GRID2: variants seen among roughly 807,000 people sequenced by gnomAD.
GRID2 encodes glutamate ionotropic receptor delta type subunit 2, also known as glutamate receptor ionotropic, delta-2.
GRID2 carries 33 observed loss-of-function variants against 114.8 expected under a neutral mutation model. That is an observed-to-expected ratio of 0.29 (90% confidence interval 0.22 to 0.38). The LOEUF is 0.38. Ranked by LOEUF, GRID2 falls within the 10% of genes least tolerant of loss-of-function variation. GRID2 has a pLI of 1.00. For missense variants in GRID2, 1,184 were observed against 1,257.7 expected, an observed-to-expected ratio of 0.94 and a Z score of 0.89; for synonymous variants, 505 against 449.9, an observed-to-expected ratio of 1.12 and a Z score of -1.55.
chr4:93,502,707 TC>T (rs142078875), intron 12 of GRID2, among the ~76,000 whole-genome samples: 3,169 of 103,892 alleles, frequency 0.031, 85 homozygotes, highest in African/African-American at 0.08. Flanking sequence ...TCTCCTCCAC[TC>T]CCCCCCCCCA....
intron 14 of GRID2, among the ~76,000 whole-genome samples, chr4:93,720,194 T>G (rs543093253): frequency 6.6e-6 from 1 of 152,132 alleles, no homozygotes; most frequent in Non-Finnish European, 1.5e-5. Context: ...ATTAAGAAAT[T>G]TCCATTGCAG....
At chr4:93,567,465 A>G (rs1371629881) in intron 13 of GRID2, among the ~76,000 whole-genome samples, 2 of 152,220 alleles carry the variant, frequency 1.3e-5, no homozygotes, top group African/African-American at 2.4e-5. Context: ...AATTTTACAA[A>G]TACTAAAATT....
At chr4:92,792,958 A>G (rs1739667779) in intron 2 of GRID2, among the ~76,000 whole-genome samples, 1 of 148,920 alleles carries the variant, frequency 6.7e-6, no homozygotes, top group Admixed American at 6.7e-5. Context: ...ACTTGTTGGT[A>G]AATCTAGTAT....
intron 2 of GRID2, among the ~76,000 whole-genome samples, chr4:92,706,904 A>G (rs917121376): frequency 6.6e-6 from 1 of 152,182 alleles, no homozygotes; most frequent in African/African-American, 2.4e-5. Flanking sequence ...TTAAAGAACT[A>G]TATTACTAAT....
At chr4:92,945,168 G>A (rs1209374069) in intron 2 of GRID2, among the ~76,000 whole-genome samples, 1 of 152,038 alleles carries the variant, frequency 6.6e-6, no homozygotes, top group African/African-American at 2.4e-5. Context: ...TATTTCTTAT[G>A]TAATCATGCA....
chr4:92,696,370 C>A (rs996839186), intron 2 of GRID2, among the ~76,000 whole-genome samples: 6 of 152,106 alleles, frequency 3.9e-5, no homozygotes, highest in African/African-American at 1.4e-4. Flanking sequence ...GAATATATAT[C>A]ATTGCTTAAA....
chr4:93,579,792 T>G (rs1736780680), intron 13 of GRID2, among the ~76,000 whole-genome samples: 1 of 152,162 alleles, frequency 6.6e-6, no homozygotes. Context: ...TCCACATGTC[T>G]AAGGTTTGCT....
chr4:93,779,208 C>CTT (rs5860347), downstream of GRID2, among the ~76,000 whole-genome samples: 426 of 144,216 alleles, frequency 3.0e-3, 1 homozygote, highest in Non-Finnish European at 3.9e-3. Context: ...GTCTCTTTCC[C>CTT]TTTTTTTTTT....
intron 1 of GRID2, among the ~76,000 whole-genome samples, chr4:92,315,108 A>G (rs1725898469): frequency 6.6e-6 from 1 of 152,164 alleles, no homozygotes; most frequent in African/African-American, 2.4e-5. Flanking sequence ...ATTAGTATTA[A>G]TATAACCATA....
intron 2 of GRID2, among the ~76,000 whole-genome samples, chr4:92,979,721 T>C (rs991175132): frequency 5.9e-5 from 9 of 152,174 alleles, no homozygotes; most frequent in Non-Finnish European, 8.8e-5. Flanking sequence ...GCCATAGTTC[T>C]GCATTTTCAA....
intron 9 of GRID2, among the ~76,000 whole-genome samples, chr4:93,409,863 C>A (rs1472247949): frequency 2.0e-5 from 3 of 152,162 alleles, no homozygotes; most frequent in African/African-American, 7.2e-5. Context: ...TTAGATTAAA[C>A]AATGAGTAAA....
chr4:92,419,736 A>C (rs559678782), intron 1 of GRID2, among the ~76,000 whole-genome samples: 1 of 152,212 alleles, frequency 6.6e-6, no homozygotes, highest in East Asian at 1.9e-4. Flanking sequence ...TTTTTACCTT[A>C]AAAACCCATC....
intron 2 of GRID2, among the ~76,000 whole-genome samples, chr4:92,904,811 A>C (rs1018485035): frequency 2.0e-5 from 3 of 152,042 alleles, no homozygotes; most frequent in Non-Finnish European, 4.4e-5. Context: ...ACTTTAGATT[A>C]ATGAAGAGGA....
intron 4 of GRID2, among the ~76,000 whole-genome samples, chr4:93,132,203 T>C (rs1734868826): frequency 6.6e-6 from 1 of 152,192 alleles, no homozygotes; most frequent in South Asian, 2.1e-4. Context: ...CAGGGGCTAT[T>C]GTAAATTTCA....
intron 8 of GRID2, among the ~76,000 whole-genome samples, chr4:93,288,106 AT>A (rs1262443666): frequency 6.6e-6 from 1 of 152,160 alleles, no homozygotes; most frequent in Non-Finnish European, 1.5e-5. Flanking sequence ...TTAAATATAG[AT>A]TTGCTGTCTT....
At chr4:92,387,596 C>G (rs1303702395) in intron 1 of GRID2, among the ~76,000 whole-genome samples, 1 of 151,834 alleles carries the variant, frequency 6.6e-6, no homozygotes, top group Non-Finnish European at 1.5e-5. Flanking sequence ...TACCCAGGAG[C>G]AGGAACATGA....
intron 2 of GRID2, chr4:92,822,922 G>C (rs1400199753): frequency 1.3e-5 from 2 of 152,312 alleles, no homozygotes; most frequent in Non-Finnish European, 2.9e-5. Flanking sequence ...CTGTCATGGT[G>C]GTGGTGAGGT....
Position 93,099,540 on chromosome 4 carries a change from G to A in GRID2, c.530-11208G>A, listed in dbSNP as rs1306102311. Among the ~76,000 whole-genome samples the A allele has an allele frequency of 3.3e-5, 5 of 151,780 alleles. No homozygotes were observed. The South Asian group carries it at 6.2e-4, about 19-fold the overall frequency. ...AAGTATTGACAAAATATCTTAGCAT[G>A]GAAATGGCTGTATCCAGTATGCTGG... On this transcript the variant is annotated intron_variant, in intron 3 of 15. Transcript: ENST00000282020.
intron 14 of GRID2, among the ~76,000 whole-genome samples, chr4:93,638,544 T>G (rs1721643858): frequency 4.4e-5 from 1 of 22,726 alleles, no homozygotes; most frequent in East Asian, 5.8e-4. Context: ...CACCTATGAG[T>G]GAGAATATGC....
Sources: allele counts gnomAD v4.1 joint callset (sites outside exome capture counted in the v4.1 genomes callset), GRCh38; gene constraint gnomAD v4.1.1; transcripts MANE v1.5; gene names NCBI Gene and HGNC (gene_info 2026-07-23, HGNC 2026-07-21).